CHAF1A: variants seen among roughly 807,000 people sequenced by gnomAD.
The protein encoded by CHAF1A is chromatin assembly factor 1 subunit A.
CHAF1A carries 5 observed loss-of-function variants against 93.2 expected under a neutral mutation model. That is an observed-to-expected ratio of 0.05 (90% confidence interval 0.03 to 0.11). CHAF1A has a LOEUF of 0.11. CHAF1A is among the 10% of genes least tolerant of loss of function. The pLI, the probability that CHAF1A is intolerant of heterozygous loss-of-function variation, is 1.00. For synonymous variants in CHAF1A, 504 were observed against 510.3 expected (o/e 0.99, Z 0.17); for missense variants, 1,102 against 1,259.9 (o/e 0.87, Z 1.90).
downstream of CHAF1A, among the ~76,000 whole-genome samples, chr19:4,444,015 G>A (rs781159028): frequency 7.2e-5 from 11 of 152,216 alleles, no homozygotes; most frequent in Admixed American, 1.3e-4. Context: ...GGGCGCCCGG[G>A]CCAGGCCTTC....
chr19:4,414,871 G>A (rs1024041508), intron 3 of CHAF1A, among the ~76,000 whole-genome samples: 3 of 152,192 alleles, frequency 2.0e-5, no homozygotes, highest in African/African-American at 7.2e-5. Context: ...GCCAATTGGA[G>A]GTTTTCTCTT....
intron 13 of CHAF1A, among the ~76,000 whole-genome samples, chr19:4,440,692 C>G (rs552611245): frequency 1.2e-4 from 19 of 152,180 alleles, no homozygotes; most frequent in Non-Finnish European, 2.2e-4. Flanking sequence ...CCTAGATGGA[C>G]AGCCTGCCAC....
chr19:4,445,324 T>G, downstream of CHAF1A: 5 of 1,106,572 alleles, frequency 4.5e-6, no homozygotes, highest in Non-Finnish European at 6.4e-6. Context: ...CCCCAAGGGA[T>G]GGGGGCTCTG....
chr19:4,408,433 C>T (rs1157749432), intron 2 of CHAF1A, among the ~76,000 whole-genome samples: 3 of 139,296 alleles, frequency 2.2e-5, no homozygotes, highest in Non-Finnish European at 4.5e-5. Context: ...ACCTTGTGAT[C>T]CGCCTGCCTT....
chr19:4,412,421 G>GT (rs1483386588), intron 3 of CHAF1A, among the ~76,000 whole-genome samples: 9 of 152,188 alleles, frequency 5.9e-5, no homozygotes, highest in African/African-American at 2.2e-4. Context: ...ACGCTTGCCT[G>GT]TAATCCCAGC....
rs531505045 is a variant in CHAF1A at position 4,420,708 on chromosome 19, A to G, written c.1018-1858A>G. On this transcript the variant is annotated intron_variant, in intron 4 of 14. Coordinates refer to ENST00000301280, the MANE Select transcript of CHAF1A (RefSeq NM_005483.3). ...CATAATCCCACACTTTGGGAGGCCAAAGTGGGAGGATTTCTTGAGCCCAGG... is the reference window on the plus strand; with the variant it reads ...CATAATCCCACACTTTGGGAGGCCAGAGTGGGAGGATTTCTTGAGCCCAGG... Among the ~76,000 whole-genome samples, 58 of 152,310 alleles carry G rather than the reference A, an allele frequency of 3.8e-4. 1 individual carries two copies. The highest frequency in any genetic ancestry group is 4.4e-5 in the Non-Finnish European group (3 of 68,026).
At position 4,433,328 on chromosome 19, in the gene CHAF1A, A is replaced by T. The variant is rs755461797; in HGVS notation, c.2462A>T (p.His821Leu). Residue 821 changes from histidine (H) to leucine (L), a missense_variant, in exon 13 of 15, where the codon CAC (histidine) becomes CTC (leucine). Physicochemically the swap from His to Leu is moderately conservative, Grantham distance 99 (BLOSUM62 -3). Around this residue, in one of 6 missense-constraint regions of CHAF1A, gnomAD observed 76 missense variants for 129.8 expected, o/e 0.59. Transcript: ENST00000301280. This position sits in a 1 kb window ranked among gnomAD's most constrained non-coding sequence, Gnocchi z 5.6. The part of the protein sequence containing the change: ...RPDFRMCWYV[H>L]PQVLQSFQQE... The stretch of plus-strand genomic sequence containing the variant: ...GACTTCAGGATGTGCTGGTACGTGC[A>T]CCCGCAGGTGCTACAGAGCTTCCAG... 1 of 1,613,866 alleles carries T rather than the reference A, an allele frequency of 6.2e-7. No homozygotes were observed. The highest frequency in any genetic ancestry group is 2.2e-5 in the East Asian group (1 of 44,862).
downstream of CHAF1A, chr19:4,446,802 C>G (rs371728558): frequency 1.9e-6 from 3 of 1,613,814 alleles, no homozygotes; most frequent in African/African-American, 4.0e-5. Context: ...CCCCTCGTCC[C>G]CATTCCCTAC....
downstream of CHAF1A, chr19:4,447,258 A>T (rs1974553661): frequency 1.8e-6 from 1 of 570,154 alleles, no homozygotes; most frequent in Non-Finnish European, 3.1e-6. Flanking sequence ...TCTGGTTTGC[A>T]TGAGAAACCT....
At position 4,430,598 on chromosome 19, in the gene CHAF1A, T is replaced by A; in HGVS notation, c.1904T>A (p.Phe635Tyr). The A allele has an allele frequency of 7.4e-6, 12 of 1,613,842 alleles. No individual in the cohort carries two copies. Among genetic ancestry groups the A allele is most frequent in the Non-Finnish European group, 1.0e-5 (12 of 1,179,912 alleles). ...GATGAAGATGAGGACGATGGTTTCT[T>A]TGTGCCCCATGGGTACCTGTCTGAG... The part of the protein sequence containing the change: ...GEDEDEDDGF[F>Y]VPHGYLSEDE... The change falls in exon 11 of 15, where the codon TTT (phenylalanine) becomes TAT (tyrosine). Residue 635 changes from phenylalanine to tyrosine, a missense_variant. Coordinates refer to ENST00000301280, the MANE Select transcript of CHAF1A (RefSeq NM_005483.3).
At chr19:4,415,534 GCAGTT>G (rs1973883144) in intron 3 of CHAF1A, among the ~76,000 whole-genome samples, 1 of 152,222 alleles carries the variant, frequency 6.6e-6, no homozygotes. Context: ...CCCATATTCT[GCAGTT>G]AAATCCCTCA....
downstream of CHAF1A, chr19:4,445,608 G>T: frequency 6.2e-7 from 1 of 1,613,324 alleles, no homozygotes; most frequent in African/African-American, 1.3e-5. Context: ...GAGAAGGTCA[G>T]GAGGGCAGAG....
At chr19:4,440,210 T>TTG (rs1974360294) in intron 13 of CHAF1A, among the ~76,000 whole-genome samples, 1 of 152,152 alleles carries the variant, frequency 6.6e-6, no homozygotes, top group Admixed American at 6.5e-5. Flanking sequence ...TGGGATGGGC[T>TTG]TGTGTTCATG....
intron 13 of CHAF1A, among the ~76,000 whole-genome samples, chr19:4,440,607 C>T (rs1385754384): frequency 6.6e-6 from 1 of 152,024 alleles, no homozygotes; most frequent in African/African-American, 2.4e-5. Context: ...GTCATCACTT[C>T]ACATCAGGGA....
At position 4,409,475 on chromosome 19, in the gene CHAF1A, A is replaced by G. The variant is rs1973749912; in HGVS notation, c.676A>G (p.Ser226Gly). The part of the protein sequence containing the change: ...MCPRKEQDSW[S>G]EAGGILFKGK... ...CCCCAGAAAGGAGCAGGACAGTTGG[A>G]GTGAAGCTGGGGGCATCCTGTTCAA... Residue 226 changes from serine to glycine, a missense_variant, in exon 3 of 15, where the codon AGT becomes GGT. Ser to Gly is a moderately conservative substitution (Grantham distance 56). This residue lies in a region of CHAF1A where 379 missense variants were observed against 365.7 expected (regional missense o/e 1.04). Coordinates refer to ENST00000301280, the MANE Select transcript of CHAF1A (RefSeq NM_005483.3). 1 of 1,614,008 alleles carries G rather than the reference A, an allele frequency of 6.2e-7. No individual in the cohort carries two copies. The highest frequency in any genetic ancestry group is 8.5e-7 in the Non-Finnish European group (1 of 1,179,960).
At chr19:4,427,136 CTTTTTTTTTTTT>C (rs747750687) in intron 7 of CHAF1A, among the ~76,000 whole-genome samples, 7 of 31,948 alleles carry the variant, frequency 2.2e-4, no homozygotes, top group Admixed American at 6.8e-4. Flanking sequence ...AAGACCCTGT[CTTTTTTTTTTTT>C]TTTTTTTTTT....
chr19:4,410,853 A>T (rs1973784304), intron 3 of CHAF1A, among the ~76,000 whole-genome samples: 2 of 152,108 alleles, frequency 1.3e-5, no homozygotes, highest in Admixed American at 6.6e-5. Flanking sequence ...CCCATCTGGA[A>T]CCATTTTTAA....
intron 12 of CHAF1A, among the ~76,000 whole-genome samples, chr19:4,432,594 C>T (rs1974205342): frequency 1.3e-5 from 2 of 152,108 alleles, no homozygotes; most frequent in African/African-American, 4.8e-5. Context: ...AACCCCATCT[C>T]TGCAGAAAAT....
intron 4 of CHAF1A, among the ~76,000 whole-genome samples, chr19:4,418,706 C>T (rs886116771): frequency 6.6e-6 from 1 of 152,174 alleles, no homozygotes; most frequent in Non-Finnish European, 1.5e-5. Context: ...TGAGCCGCCG[C>T]GCCTGGCCAG....
Sources: allele counts gnomAD v4.1 joint callset (sites outside exome capture counted in the v4.1 genomes callset), GRCh38; gene constraint gnomAD v4.1.1; regional missense constraint gnomAD v4.1.1; non-coding constraint Gnocchi (gnomAD v3.1); transcripts MANE v1.5; gene names NCBI Gene and HGNC (gene_info 2026-07-23, HGNC 2026-07-21).